KAZN: variants seen among roughly 807,000 people sequenced by gnomAD.
KAZN encodes kazrin, periplakin interacting protein, also known as kazrin.
A neutral mutation model predicts 87.4 loss-of-function variants in KAZN; 40 were observed. The ratio of observed to expected loss-of-function variants is 0.46; its 90% confidence interval spans 0.36 to 0.60. KAZN has a LOEUF of 0.60. KAZN is among the 20% of genes least tolerant of loss of function. KAZN has a pLI of 0.00. For synonymous variants in KAZN, 466 were observed against 458.3 expected, an observed-to-expected ratio of 1.02 and a Z score of -0.22; for missense variants, 898 against 1,073.9, an observed-to-expected ratio of 0.84 and a Z score of 2.29.
At chr1:15,012,461 G>T (rs916337484) in intron 2 of KAZN, among the ~76,000 whole-genome samples, 20 of 152,188 alleles carry the variant, frequency 1.3e-4, no homozygotes, top group Non-Finnish European at 2.9e-4. Context: ...CTGGGTTGAT[G>T]CAACGCCCCA....
chr1:14,453,761 G>A (rs1463465029), intron 2 of KAZN, among the ~76,000 whole-genome samples: 8 of 152,142 alleles, frequency 5.3e-5, no homozygotes, highest in Non-Finnish European at 8.8e-5. Context: ...GCTTCAACCT[G>A]GGAGGTGGAG....
Position 14,931,338 on chromosome 1 carries a change from GA to G in KAZN, c.227-29344del, listed in dbSNP as rs1659797793. The stretch of plus-strand genomic sequence containing the variant: ...GCATGCCTGTAGTCCCAGCTACTCG[GA>G]AGGCTGAGGAAGGAAAATTGATTGA... On this transcript the variant is annotated intron_variant, in intron 1 of 14. Coordinates refer to ENST00000376030, the MANE Select transcript of KAZN (RefSeq NM_201628.3). 2.0e-5 allele frequency among the ~76,000 whole-genome samples: 3 copies of G among 152,106 alleles called. No homozygotes were observed. The South Asian group carries it at 6.2e-4, about 32-fold the overall frequency.
Position 14,598,898 on chromosome 1 carries a change from G to C in KAZN, c.-100G>C. ...GGGGCGCGGGCGAAGCCGGGCCGCG[G>C]AGGACACAACAGGTAGAGCCGGGGG... On this transcript the variant is annotated 5_prime_UTR_variant, in exon 1 of 15. Transcript: ENST00000376030. The surrounding 1 kb of genome is among the most constrained non-coding windows in gnomAD (Gnocchi z 4.2). The C allele has an allele frequency of 1.3e-6, 2 of 1,509,922 alleles. No individual in the cohort carries two copies. Among genetic ancestry groups the C allele is most frequent in the Non-Finnish European group, 1.8e-6 (2 of 1,139,216 alleles). 93.5% of individuals were successfully genotyped at this position (1,509,922 alleles called of 1,614,324 possible).
intron 1 of KAZN, among the ~76,000 whole-genome samples, chr1:14,122,306 A>G (rs562818059): frequency 6.6e-6 from 1 of 152,328 alleles, no homozygotes; most frequent in South Asian, 2.1e-4. Context: ...AACTTGAGTA[A>G]TTCAATAAAA....
chr1:13,917,033 T>C (rs1245643656), intron 1 of KAZN, among the ~76,000 whole-genome samples: 1 of 144,728 alleles, frequency 6.9e-6, no homozygotes, highest in African/African-American at 2.5e-5. Flanking sequence ...AAGAATTCTC[T>C]GTATGCCAAG....
Position 14,867,731 on chromosome 1 carries a change from C to CA in KAZN, c.227-92953_227-92952insA, listed in dbSNP as rs199843327. Among the ~76,000 whole-genome samples, 536 of 125,030 alleles carry CA rather than the reference C, an allele frequency of 4.3e-3. 13 individuals carry two copies. The highest frequency in any genetic ancestry group is 0.014 in the African/African-American group (501 of 34,720). 82.0% of individuals were successfully genotyped at this position (125,030 alleles called of 152,430 possible). ...CTCGGTGTCTTTGAAGACACCCCCCCCCCCACCCTGGGCATGGAGGCATTG... is the reference window on the plus strand; with the variant it reads ...CTCGGTGTCTTTGAAGACACCCCCCCACCCCACCCTGGGCATGGAGGCATTG... On this transcript the variant is annotated intron_variant, in intron 1 of 14. Coordinates refer to ENST00000376030, the MANE Select transcript of KAZN (RefSeq NM_201628.3).
intron 1 of KAZN, among the ~76,000 whole-genome samples, chr1:14,613,087 G>A (rs1296911901): frequency 6.6e-6 from 1 of 152,146 alleles, no homozygotes; most frequent in Non-Finnish European, 1.5e-5. Flanking sequence ...AGGATGAGCC[G>A]AACTTCCTAT....
intron 2 of KAZN, among the ~76,000 whole-genome samples, chr1:14,209,139 G>T (rs150360404): frequency 6.6e-6 from 1 of 152,192 alleles, no homozygotes; most frequent in African/African-American, 2.4e-5. Flanking sequence ...CTGCTATGCC[G>T]AGTAGCCGTG....
chr1:14,098,639 TC>T (rs1476765740), intron 1 of KAZN, among the ~76,000 whole-genome samples: 1 of 152,180 alleles, frequency 6.6e-6, no homozygotes. Flanking sequence ...CCTTGGTTTC[TC>T]CTTTTACCAG....
At chr1:14,707,370 C>G (rs1251713591) in intron 1 of KAZN, among the ~76,000 whole-genome samples, 5 of 152,188 alleles carry the variant, frequency 3.3e-5, no homozygotes, top group Admixed American at 3.3e-4. Context: ...AGTGGCCTTT[C>G]TGTCACAATA....
At chr1:14,802,897 T>A (rs945259313) in intron 1 of KAZN, among the ~76,000 whole-genome samples, 1 of 152,086 alleles carries the variant, frequency 6.6e-6, no homozygotes, top group African/African-American at 2.4e-5. Flanking sequence ...TGAGCAGCAT[T>A]GGCTTGAATG....
intron 2 of KAZN, among the ~76,000 whole-genome samples, chr1:14,405,606 A>ATGTCTGTG (rs1553167635): frequency 1.5e-5 from 2 of 136,220 alleles, no homozygotes; most frequent in African/African-American, 5.3e-5. Flanking sequence ...ACCCAATAAA[A>ATGTCTGTG]TGTGTGTGTG....
chr1:14,771,751 G>A (rs368151188), intron 1 of KAZN, among the ~76,000 whole-genome samples: 46 of 152,212 alleles, frequency 3.0e-4, no homozygotes, highest in African/African-American at 1.0e-3. Flanking sequence ...GCTTGAACCC[G>A]GGAGGCGGAG....
chr1:14,942,072 C>T (rs1425497494), intron 1 of KAZN, among the ~76,000 whole-genome samples: 1 of 152,174 alleles, frequency 6.6e-6, no homozygotes, highest in African/African-American at 2.4e-5. Flanking sequence ...AACACCTGCT[C>T]CTGATTAGGA....
chr1:14,516,098 C>A (rs896081642), intron 2 of KAZN, among the ~76,000 whole-genome samples: 1 of 152,178 alleles, frequency 6.6e-6, no homozygotes, highest in Non-Finnish European at 1.5e-5. Flanking sequence ...GGTCTGAATT[C>A]TCAGGTGTTT....
At chr1:15,000,629 G>T (rs1159707882) in intron 2 of KAZN, among the ~76,000 whole-genome samples, 1 of 151,836 alleles carries the variant, frequency 6.6e-6, no homozygotes, top group Non-Finnish European at 1.5e-5. Flanking sequence ...ATTCCTCCTA[G>T]AACTGTTGGG....
intron 1 of KAZN, among the ~76,000 whole-genome samples, chr1:14,781,888 T>C (rs995648195): frequency 6.6e-6 from 1 of 152,330 alleles, no homozygotes; most frequent in East Asian, 1.9e-4. Context: ...TTGTCAATAA[T>C]TGGTGGTTCA....
intron 1 of KAZN, among the ~76,000 whole-genome samples, chr1:14,177,019 G>A (rs1045879699): frequency 2.0e-5 from 3 of 152,130 alleles, no homozygotes; most frequent in African/African-American, 7.2e-5. Flanking sequence ...TTAGCTGGGT[G>A]TGGTGGTGCG....
At chr1:14,681,603 ATGTATATGTG>A (rs1640580974) in intron 1 of KAZN, among the ~76,000 whole-genome samples, 3 of 86,816 alleles carry the variant, frequency 3.5e-5, no homozygotes, top group African/African-American at 1.3e-4. Context: ...CTATATATAT[ATGTATATGTG>A]TATATATATA....
Sources: allele counts gnomAD v4.1 joint callset (sites outside exome capture counted in the v4.1 genomes callset), GRCh38; gene constraint gnomAD v4.1.1; non-coding constraint Gnocchi (gnomAD v3.1); transcripts MANE v1.5; gene names NCBI Gene and HGNC (gene_info 2026-07-23, HGNC 2026-07-21).